Variants in CNTN6 observed in about 807,000 individuals in gnomAD.
CNTN6 encodes the protein contactin-6.
In CNTN6, 137 loss-of-function variants were observed where a neutral mutation model predicts 122.8. That is an observed-to-expected ratio of 1.12 (90% CI 0.97 to 1.29). CNTN6 has a LOEUF of 1.29. Among genes scored for constraint, CNTN6 ranks in the 50% most tolerant of loss-of-function variants. CNTN6 has a pLI of 0.00. For synonymous variants in CNTN6, 570 were observed against 426.0 expected (o/e 1.34, Z -4.16); for missense variants, 1,634 against 1,223.4 (o/e 1.34, Z -5.01).
intron 11 of CNTN6, among the ~76,000 whole-genome samples, chr3:1,334,750 G>A (rs1448382989): frequency 6.6e-6 from 1 of 151,954 alleles, no homozygotes; most frequent in Non-Finnish European, 1.5e-5. Context: ...CACCATTATA[G>A]GCCTAGCATC....
chr3:1,109,754 G>A (rs2125010500), intron 1 of CNTN6, among the ~76,000 whole-genome samples: 1 of 152,036 alleles, frequency 6.6e-6, no homozygotes, highest in East Asian at 1.9e-4. Context: ...GAACAGAAAA[G>A]GAAGAGACAC....
At chr3:1,355,459 A>T (rs934987709) in intron 12 of CNTN6, among the ~76,000 whole-genome samples, 1 of 151,726 alleles carries the variant, frequency 6.6e-6, no homozygotes, top group African/African-American at 2.4e-5. Context: ...CCAAGGAATT[A>T]TTATTTTACA....
intron 2 of CNTN6, among the ~76,000 whole-genome samples, chr3:1,170,236 CAA>C (rs10525769): frequency 5.6e-5 from 6 of 107,454 alleles, no homozygotes; most frequent in Admixed American, 3.2e-4. Flanking sequence ...GGCTCCATCT[CAA>C]AAAAAAAAAA....
At chr3:1,105,739 G>C (rs931559193) in intron 1 of CNTN6, among the ~76,000 whole-genome samples, 7 of 152,182 alleles carry the variant, frequency 4.6e-5, no homozygotes, top group Admixed American at 2.6e-4. Flanking sequence ...CCTAAATATA[G>C]GTCCAGTGTT....
intron 19 of CNTN6, 106 bp from the exon 20 acceptor site, chr3:1,385,505 G>A (rs1692739498): frequency 1.1e-5 from 9 of 811,232 alleles, no homozygotes; most frequent in East Asian, 2.8e-5. Flanking sequence ...CTATACTTCT[G>A]TCTTCTTCCC....
chr3:1,315,066 A>G (rs1436809358), intron 7 of CNTN6, among the ~76,000 whole-genome samples: 1 of 151,982 alleles, frequency 6.6e-6, no homozygotes, highest in Non-Finnish European at 1.5e-5. Context: ...GCCAGAAACG[A>G]CTGATATCTG....
chr3:1,326,386 G>C (rs1158352632), intron 9 of CNTN6, among the ~76,000 whole-genome samples: 2 of 151,816 alleles, frequency 1.3e-5, no homozygotes, highest in African/African-American at 2.4e-5. Context: ...GAGTTTCAAA[G>C]AGGTTAGGCT....
chr3:1,402,411 T>G lies in CNTN6; in HGVS notation c.2911T>G (p.Leu971Val). The part of the protein sequence containing the change: ...ELLVPFEEDY[L>V]IEIRTVSDGG... ...TCTGGTTCCATTTGAAGAAGACTAC[T>G]TAATTGAAATAAGAACAGTCAGTGA... The change falls in exon 22 of 23, where the codon TTA becomes GTA. Residue 971 changes from leucine to valine, a missense_variant. Transcript: ENST00000446702. 6.2e-7 allele frequency: 1 copy of G among 1,612,572 alleles called. No homozygotes were observed.
At chr3:1,319,380 T>G (rs1044666100) in intron 7 of CNTN6, among the ~76,000 whole-genome samples, 4 of 151,686 alleles carry the variant, frequency 2.6e-5, no homozygotes, top group African/African-American at 9.7e-5. Flanking sequence ...TATGTACGTA[T>G]TGTACAGATA....
rs116668371 is a variant in CNTN6, at chr3:1,296,817, G to A, written c.658+1013G>A. Among the ~76,000 whole-genome samples the A allele has an allele frequency of 4.5e-3, 691 of 152,182 alleles. 3 individuals carry two copies. Among genetic ancestry groups the A allele is most frequent in the African/African-American group, 0.016 (653 of 41,552 alleles). On this transcript the variant is annotated intron_variant, in intron 6 of 22. Coordinates refer to ENST00000446702, the MANE Select transcript of CNTN6 (RefSeq NM_001289080.2). ...TATTTATGACCAGAAGAATTCATGA[G>A]CCAACAATATACTTGGAGATTCTAC...
At chr3:1,154,306 A>C (rs1322951711) in intron 2 of CNTN6, among the ~76,000 whole-genome samples, 1 of 152,198 alleles carries the variant, frequency 6.6e-6, no homozygotes, top group Non-Finnish European at 1.5e-5. Flanking sequence ...TTCACCATGA[A>C]GTCTTTGAAG....
intron 11 of CNTN6, among the ~76,000 whole-genome samples, chr3:1,345,732 A>C (rs1704588110): frequency 1.3e-5 from 2 of 152,288 alleles, no homozygotes; most frequent in Admixed American, 1.3e-4. Flanking sequence ...GGGAGATTTT[A>C]CCTAAAACTT....
intron 4 of CNTN6, among the ~76,000 whole-genome samples, chr3:1,245,325 T>G (rs1243970755): frequency 6.2e-5 from 3 of 48,768 alleles, no homozygotes; most frequent in African/African-American, 2.7e-4. Context: ...TATATATATA[T>G]ATATATATAT....
intron 1 of CNTN6, among the ~76,000 whole-genome samples, chr3:1,117,677 G>A (rs2091780119): frequency 6.6e-6 from 1 of 152,112 alleles, no homozygotes; most frequent in Non-Finnish European, 1.5e-5. Flanking sequence ...ATTGCTCCCT[G>A]CATCTTTGAG....
intron 2 of CNTN6, among the ~76,000 whole-genome samples, chr3:1,170,824 G>A (rs932988189): frequency 6.6e-6 from 1 of 152,188 alleles, no homozygotes; most frequent in Non-Finnish European, 1.5e-5. Flanking sequence ...TGCTCTTTAA[G>A]AAGTTGGGTT....
chr3:1,134,383 G>C (rs903494447), intron 1 of CNTN6, among the ~76,000 whole-genome samples: 1 of 152,088 alleles, frequency 6.6e-6, no homozygotes, highest in Non-Finnish European at 1.5e-5. Context: ...TTTCCACTGA[G>C]CTAGTCTCCT....
intron 4 of CNTN6, among the ~76,000 whole-genome samples, chr3:1,255,505 A>G (rs2094741906): frequency 6.6e-6 from 1 of 152,060 alleles, no homozygotes; most frequent in Non-Finnish European, 1.5e-5. Context: ...AGCTGGAGAA[A>G]TTGGCAGGGA....
intron 1 of CNTN6, among the ~76,000 whole-genome samples, chr3:1,141,438 C>T (rs1395140922): frequency 1.3e-5 from 2 of 152,146 alleles, no homozygotes; most frequent in South Asian, 2.1e-4. Context: ...TAAATCCACA[C>T]CAGTAAGACA....
At chr3:1,392,724 A>G (rs1381367783) in intron 20 of CNTN6, among the ~76,000 whole-genome samples, 4 of 143,348 alleles carry the variant, frequency 2.8e-5, no homozygotes, top group African/African-American at 1.0e-4. Flanking sequence ...AAAACAAACA[A>G]CCCCATCAAC....
Sources: allele counts gnomAD v4.1 joint callset (sites outside exome capture counted in the v4.1 genomes callset), GRCh38; gene constraint gnomAD v4.1.1; transcripts MANE v1.5; gene names NCBI Gene and HGNC (gene_info 2026-07-23, HGNC 2026-07-21).